Variants in SLCO3A1 observed in about 807,000 individuals in gnomAD.
SLCO3A1 encodes the protein solute carrier organic anion transporter family member 3A1.
Under a neutral mutation model 63.1 loss-of-function variants are expected in SLCO3A1, and 27 were observed. The observed-to-expected ratio is 0.43, with a 90% CI of 0.32 to 0.59. SLCO3A1 has a LOEUF of 0.59. Among genes scored for constraint, SLCO3A1 ranks in the 20% least tolerant of loss-of-function variants. SLCO3A1 has a pLI of 0.09. For synonymous variants in SLCO3A1, 473 were observed against 409.9 expected (o/e 1.15, Z -1.86); for missense variants, 773 against 945.8 (o/e 0.82, Z 2.40).
intron 2 of SLCO3A1, among the ~76,000 whole-genome samples, chr15:91,944,680 A>G (rs2151403602): frequency 6.6e-6 from 1 of 152,092 alleles, no homozygotes; most frequent in South Asian, 2.1e-4. Flanking sequence ...CTCCCCCGAG[A>G]TGCTTTTCAA....
intron 2 of SLCO3A1, among the ~76,000 whole-genome samples, chr15:92,044,054 C>G (rs972663049): frequency 4.6e-5 from 7 of 152,202 alleles, no homozygotes; most frequent in African/African-American, 1.7e-4. Context: ...TTCTCTCCTA[C>G]TCTTGCCGTA....
chr15:92,123,282 G>A (rs775122010), intron 5 of SLCO3A1, among the ~76,000 whole-genome samples: 30 of 152,102 alleles, frequency 2.0e-4, no homozygotes, highest in East Asian at 3.9e-4. Flanking sequence ...AAAATTAGGC[G>A]TGTCATCCCA....
chr15:91,937,343 A>T (rs1044519061), intron 2 of SLCO3A1, among the ~76,000 whole-genome samples: 9 of 152,178 alleles, frequency 5.9e-5, no homozygotes, highest in African/African-American at 2.2e-4. Context: ...CGGGAGGCAG[A>T]AGCTTTGACT....
intron 2 of SLCO3A1, among the ~76,000 whole-genome samples, chr15:92,056,213 T>G (rs574607821): frequency 1.1e-4 from 16 of 152,330 alleles, no homozygotes; most frequent in Non-Finnish European, 1.6e-4. Flanking sequence ...CGTAACCACA[T>G]TTGTTCAGCC....
At chr15:92,088,412 A>G (rs2047431667) in intron 2 of SLCO3A1, among the ~76,000 whole-genome samples, 1 of 152,248 alleles carries the variant, frequency 6.6e-6, no homozygotes, top group African/African-American at 2.4e-5. Context: ...GCAATATTCC[A>G]TTCATGCATA....
At chr15:92,073,074 G>A (rs1423489285) in intron 2 of SLCO3A1, among the ~76,000 whole-genome samples, 1 of 152,112 alleles carries the variant, frequency 6.6e-6, no homozygotes, top group East Asian at 1.9e-4. Context: ...GGTAAGCCAT[G>A]CACCAAGGAT....
intron 2 of SLCO3A1, among the ~76,000 whole-genome samples, chr15:92,037,481 T>C (rs1328217949): frequency 6.6e-6 from 1 of 152,234 alleles, no homozygotes; most frequent in Non-Finnish European, 1.5e-5. Context: ...CATGTGTCCA[T>C]ATAACAGGGA....
chr15:91,895,627 A>G (rs1319054814), intron 1 of SLCO3A1, among the ~76,000 whole-genome samples: 3 of 152,220 alleles, frequency 2.0e-5, no homozygotes, highest in African/African-American at 7.2e-5. Flanking sequence ...CTGTTGATTC[A>G]TAGTGCTTCT....
intron 4 of SLCO3A1, among the ~76,000 whole-genome samples, chr15:92,116,022 G>A (rs2047790821): frequency 6.6e-6 from 1 of 152,066 alleles, no homozygotes. Context: ...GACCAGAGTA[G>A]CATACTGGTG....
At chr15:92,171,717 A>G in intron 10 of SLCO3A1, 1 of 1,141,120 alleles carries the variant, frequency 8.8e-7, no homozygotes, top group Non-Finnish European at 1.3e-6. Context: ...AACAAACAGT[A>G]GGTGAAGCAG....
In SLCO3A1 at chr15:91,853,876, AGCGGCGGCG is replaced by A. The variant is rs368016879; in HGVS notation, c.-16_-8del. 324 of 1,294,730 alleles carry A rather than the reference AGCGGCGGCG, an allele frequency of 2.5e-4. 1 individual carries two copies. The highest frequency in any genetic ancestry group is 2.8e-4 in the Non-Finnish European group (286 of 1,017,994). The allele number at this position is 1,294,730 out of a possible 1,614,324, so 80.2% of individuals were successfully genotyped here. A position where few individuals can be genotyped will look rare whatever the true frequency, so the allele number is the denominator to read the frequency against. ...CACCCGGGGCGAGCGGGAAAGCGGCAGCGGCGGCGGCGGCGGCGGCGGCGGGGGAAGGAT... is the reference window on the plus strand; with the variant it reads ...CACCCGGGGCGAGCGGGAAAGCGGCAGCGGCGGCGGCGGCGGGGGAAGGAT... On this transcript the variant is annotated 5_prime_UTR_variant, in exon 1 of 10. Coordinates refer to ENST00000318445, the MANE Select transcript of SLCO3A1 (RefSeq NM_013272.4).
rs1368766823 is a variant in SLCO3A1 at position 91,894,580 on chromosome 15, G to GC, written c.181-21413_181-21412insC. Among the ~76,000 whole-genome samples, 6 of 152,204 alleles carry GC rather than the reference G, an allele frequency of 3.9e-5. No homozygotes were observed. Among genetic ancestry groups the GC allele is most frequent in the Non-Finnish European group, 8.8e-5 (6 of 68,034 alleles). On this transcript the variant is annotated intron_variant, in intron 1 of 9. Transcript: ENST00000318445. The surrounding 1 kb of genome is among the most constrained non-coding windows in gnomAD (Gnocchi z 4.8). Reference sequence around the variant, plus strand: ...AATGGAGGAGGGTCCCCAGCACTGTGTTGCCATGGAGTGGACAGTGGGGCT... The same window carrying GC: ...AATGGAGGAGGGTCCCCAGCACTGTGCTTGCCATGGAGTGGACAGTGGGGCT...
Position 92,163,864 on chromosome 15 carries a change from T to TG in SLCO3A1, c.*735dup. 9.1e-6 allele frequency: 9 copies of TG among 985,638 alleles called. No individual in the cohort carries two copies. The highest frequency in any genetic ancestry group is 1.1e-5 in the Non-Finnish European group (9 of 830,144). The allele number at this position is 985,638 out of a possible 1,614,324, so 61.1% of individuals were successfully genotyped here. A position where few individuals can be genotyped will look rare whatever the true frequency, so the allele number is the denominator to read the frequency against. On this transcript the variant is annotated 3_prime_UTR_variant, in exon 10 of 10. Transcript: ENST00000318445. ...ACTGAGGGCCTGAGGGGGAGCCAGG[T>TG]GGGGGGCCAGCACCTCCCAGTGGCG...
chr15:91,914,837 G>A (rs940215049), intron 1 of SLCO3A1, among the ~76,000 whole-genome samples: 1 of 152,150 alleles, frequency 6.6e-6, no homozygotes, highest in African/African-American at 2.4e-5. Flanking sequence ...CTCCCAAAGT[G>A]TTGGGATTAC....
At chr15:92,024,892 T>C (rs1001987782) in intron 2 of SLCO3A1, among the ~76,000 whole-genome samples, 7 of 152,054 alleles carry the variant, frequency 4.6e-5, no homozygotes, top group Non-Finnish European at 8.8e-5. Flanking sequence ...CACCCATCCG[T>C]CTACCTACCC....
intron 2 of SLCO3A1, among the ~76,000 whole-genome samples, chr15:92,056,506 G>T (rs2047023422): frequency 6.6e-6 from 1 of 152,118 alleles, no homozygotes; most frequent in South Asian, 2.1e-4. Context: ...TTTGTCACTG[G>T]AAATTCTAAG....
rs1897090760 is a variant in SLCO3A1, at chr15:91,863,292, G to GCTC, written c.180+9206_180+9208dup. The stretch of plus-strand genomic sequence containing the variant: ...TCAGCTGGCTGTGCTGTCAGCACCA[G>GCTC]CTCCCCTTCTCTCCAGGGGTACAGG... On this transcript the variant is annotated intron_variant, in intron 1 of 9. Transcript: ENST00000318445. The surrounding 1 kb of genome is among the most constrained non-coding windows in gnomAD (Gnocchi z 4.3). Among the ~76,000 whole-genome samples, 1 of 152,250 alleles carries GCTC rather than the reference G, an allele frequency of 6.6e-6. No homozygotes were observed. The highest frequency in any genetic ancestry group is 1.5e-5 in the Non-Finnish European group (1 of 68,042).
intron 1 of SLCO3A1, among the ~76,000 whole-genome samples, chr15:91,871,535 C>T (rs1412769277): frequency 6.6e-6 from 1 of 152,168 alleles, no homozygotes; most frequent in African/African-American, 2.4e-5. Flanking sequence ...TTTCTCTCTT[C>T]CCTAGTCAGA....
chr15:92,166,145 G>T (rs1023555354), downstream of SLCO3A1, among the ~76,000 whole-genome samples: 5 of 152,174 alleles, frequency 3.3e-5, no homozygotes, highest in African/African-American at 1.2e-4. Context: ...GACAGGGTTT[G>T]CTGTCTTCTC....
Sources: allele counts gnomAD v4.1 joint callset (sites outside exome capture counted in the v4.1 genomes callset), GRCh38; gene constraint gnomAD v4.1.1; non-coding constraint Gnocchi (gnomAD v3.1); transcripts MANE v1.5; gene names NCBI Gene and HGNC (gene_info 2026-07-23, HGNC 2026-07-21).